The following CADM3 variants were observed in gnomAD, a reference collection of about 807,000 sequenced individuals.
CADM3 encodes the protein cell adhesion molecule 3.
Under a neutral mutation model 44.9 loss-of-function variants are expected in CADM3, and 11 were observed. The ratio of observed to expected loss-of-function variants is 0.25; its 90% confidence interval spans 0.15 to 0.41. CADM3 has a LOEUF of 0.41. CADM3 is among the 10% of genes least tolerant of loss of function. The probability of loss-of-function intolerance (pLI) is 1.00; values close to 1 mark genes in which losing one functional copy is unlikely to be tolerated. For synonymous variants in CADM3, 207 were observed against 205.2 expected (o/e 1.01, Z -0.08); for missense variants, 426 against 512.0 (o/e 0.83, Z 1.62).
chr1:159,192,746 C>T lies in CADM3; in HGVS notation c.382+16C>T, dbSNP rs747358243. 13 of 1,607,748 alleles carry T rather than the reference C, an allele frequency of 8.1e-6. No individual in the cohort carries two copies. In the South Asian group the frequency reaches 1.2e-4, roughly 15 times the overall value. ...ACTGTGCTAGGTGAGACTCCCAAACCCCAGTGTCTCTACAGCATGCTTCCT... is the reference window on the plus strand; with the variant it reads ...ACTGTGCTAGGTGAGACTCCCAAACTCCAGTGTCTCTACAGCATGCTTCCT... On this transcript the variant is annotated intron_variant, in intron 3 of 8. Transcript: ENST00000368125.
intron 1 of CADM3, among the ~76,000 whole-genome samples, chr1:159,186,311 G>C (rs1455036376): frequency 6.6e-6 from 1 of 152,298 alleles, no homozygotes; most frequent in East Asian, 1.9e-4. Context: ...AGAGAGTGGA[G>C]AGTCAGTGAC....
intron 1 of CADM3, among the ~76,000 whole-genome samples, chr1:159,188,317 C>T (rs1411377572): frequency 6.6e-6 from 1 of 151,268 alleles, no homozygotes; most frequent in African/African-American, 2.4e-5. Flanking sequence ...CCTCCCCTCT[C>T]CCCTCTCCTC....
chr1:159,200,473 G>C (rs1327121529), intron 8 of CADM3, among the ~76,000 whole-genome samples: 1 of 151,812 alleles, frequency 6.6e-6, no homozygotes, highest in African/African-American at 2.4e-5. Context: ...CCGTCACCAA[G>C]TTGCGTGCAC....
At chr1:159,199,184 T>A (rs1650038129) in intron 7 of CADM3, among the ~76,000 whole-genome samples, 1 of 151,570 alleles carries the variant, frequency 6.6e-6, no homozygotes, top group East Asian at 1.9e-4. Context: ...GGGCAGTGGG[T>A]GAATAGGCTG....
chr1:159,200,825 CA>C lies in CADM3; in HGVS notation c.1104del (p.Gly369AlafsTer136). On this transcript the variant is annotated frameshift_variant, in exon 9 of 9. Transcript: ENST00000368125. LOFTEE classifies it high-confidence loss of function. ...RHKGTYLTHE[A>X]KGSDDAPDAD... Reference sequence around the variant, plus strand: ...ACAGGAACCTACCTGACACATGAGGCAAAAGGCTCCGACGATGCTCCAGACG... The same window carrying C: ...ACAGGAACCTACCTGACACATGAGGCAAAGGCTCCGACGATGCTCCAGACG... The C allele has an allele frequency of 6.2e-7, 1 of 1,607,896 alleles. No individual in the cohort carries two copies. The highest frequency in any genetic ancestry group is 2.3e-5 in the East Asian group (1 of 44,272).
intron 1 of CADM3, 146 bp from the exon 2 acceptor site, chr1:159,191,790 T>G: frequency 1.2e-6 from 1 of 859,764 alleles, no homozygotes; most frequent in South Asian, 1.8e-5. Flanking sequence ...CCTCTTTTCC[T>G]TCCCCCATGA....
At chr1:159,189,718 C>A in intron 1 of CADM3, 1 of 1,354,392 alleles carries the variant, frequency 7.4e-7, no homozygotes, top group Non-Finnish European at 1.0e-6. Context: ...TAGAGCCCCA[C>A]ACTGTAGCAG....
At chr1:159,172,220 G>C (rs1218073938) in intron 1 of CADM3, among the ~76,000 whole-genome samples, 1 of 152,146 alleles carries the variant, frequency 6.6e-6, no homozygotes, top group Non-Finnish European at 1.5e-5. Context: ...GTGTATGTCT[G>C]TGTCAGTGTG....
intron 1 of CADM3, among the ~76,000 whole-genome samples, chr1:159,177,277 G>A (rs908013170): frequency 6.6e-6 from 1 of 152,116 alleles, no homozygotes; most frequent in Non-Finnish European, 1.5e-5. Context: ...CAACCAGACA[G>A]GTTCAAATAA....
chr1:159,173,479 G>A (rs1319849612), intron 1 of CADM3, among the ~76,000 whole-genome samples: 1 of 151,996 alleles, frequency 6.6e-6, no homozygotes, highest in East Asian at 1.9e-4. Flanking sequence ...GGGAGTTCCC[G>A]CCCTAGTCAC....
Position 159,200,967 on chromosome 1 carries a change from C to T in CADM3, c.*45C>T. On this transcript the variant is annotated 3_prime_UTR_variant, in exon 9 of 9. Transcript: ENST00000368125. ...GCGCCCCCCAGGGGCCCTGTGGGGA[C>T]TGCTGGGGCCGTCACCAACCCGGAC... is the stretch of plus-strand genomic sequence containing the variant. 7.0e-7 allele frequency: 1 copy of T among 1,437,374 alleles called. No individual in the cohort carries two copies. Among genetic ancestry groups the T allele is most frequent in the Non-Finnish European group, 9.4e-7 (1 of 1,058,208 alleles). The allele number at this position is 1,437,374 out of a possible 1,614,324, so 89.0% of individuals were successfully genotyped here. A position where few individuals can be genotyped will look rare whatever the true frequency, so the allele number is the denominator to read the frequency against.
intron 7 of CADM3, chr1:159,197,504 C>CA (rs2102134208): frequency 6.2e-6 from 1 of 162,512 alleles, no homozygotes; most frequent in East Asian, 1.8e-4. Flanking sequence ...ACCTTAAGCA[C>CA]AGTGTACTGG....
intron 1 of CADM3, among the ~76,000 whole-genome samples, chr1:159,183,618 G>A (rs1371303301): frequency 6.6e-6 from 1 of 152,144 alleles, no homozygotes; most frequent in South Asian, 2.1e-4. Context: ...AGATCCTTTA[G>A]GAGACTGCTG....
At chr1:159,199,979 C>A in intron 8 of CADM3, 103 bp downstream of exon 8, 1 of 1,402,524 alleles carries the variant, frequency 7.1e-7, no homozygotes, top group South Asian at 1.2e-5. Context: ...CCTTCAGAGA[C>A]TTGTCAGCCC....
At chr1:159,182,143 G>A (rs1363023329) in intron 1 of CADM3, among the ~76,000 whole-genome samples, 1 of 151,936 alleles carries the variant, frequency 6.6e-6, no homozygotes, top group Non-Finnish European at 1.5e-5. Context: ...CAAAGGGCAT[G>A]GCAGTGACTT....
intron 7 of CADM3, chr1:159,197,396 G>A (rs34402664): frequency 1.6e-4 from 36 of 221,708 alleles, no homozygotes; most frequent in Middle Eastern, 3.1e-3. Flanking sequence ...AAGTGCAGGC[G>A]CAGGTGCATT....
intron 1 of CADM3, among the ~76,000 whole-genome samples, chr1:159,177,537 A>G (rs1649070456): frequency 6.6e-6 from 1 of 152,048 alleles, no homozygotes; most frequent in Admixed American, 6.6e-5. Flanking sequence ...CAAGTTTCAT[A>G]ATCTCCTTAT....
chr1:159,178,199 T>A (rs1189577705), intron 1 of CADM3, among the ~76,000 whole-genome samples: 1 of 152,230 alleles, frequency 6.6e-6, no homozygotes, highest in Non-Finnish European at 1.5e-5. Context: ...ATATTTTCAA[T>A]CTGCAATTGA....
chr1:159,187,631 T>A (rs912935958), intron 1 of CADM3, among the ~76,000 whole-genome samples: 5 of 152,166 alleles, frequency 3.3e-5, no homozygotes, highest in African/African-American at 9.7e-5. Flanking sequence ...AAAGGCCTAT[T>A]TAGTACTCAC....
Sources: allele counts gnomAD v4.1 joint callset (sites outside exome capture counted in the v4.1 genomes callset), GRCh38; gene constraint gnomAD v4.1.1; transcripts MANE v1.5; gene names NCBI Gene and HGNC (gene_info 2026-07-23, HGNC 2026-07-21).